The following CDK19 variants were observed in gnomAD, a reference collection of about 807,000 sequenced individuals.
CDK19 encodes the protein cyclin-dependent kinase 19.
A neutral mutation model predicts 68.3 loss-of-function variants in CDK19; 20 were observed. That is an observed-to-expected ratio of 0.29 (90% confidence interval 0.21 to 0.43). The LOEUF (loss-of-function observed/expected upper bound fraction) is 0.43, where lower values mean the gene tolerates loss of function less well. Among genes scored for constraint, CDK19 ranks in the 20% least tolerant of loss-of-function variants. The pLI, the probability that CDK19 is intolerant of heterozygous loss-of-function variation, is 1.00. For missense variants in CDK19, 339 were observed against 623.5 expected (o/e 0.54, Z 4.86); for synonymous variants, 221 against 222.8 (o/e 0.99, Z 0.07).
chr6:110,769,154 A>G (rs558772198), intron 1 of CDK19, among the ~76,000 whole-genome samples: 5,119 of 131,794 alleles, frequency 0.039, 29 homozygotes, highest in Non-Finnish European at 0.057. Flanking sequence ...CTCTGTCTCA[A>G]AAAAAAAAAA....
At chr6:110,783,974 A>C (rs1781011932) in intron 1 of CDK19, among the ~76,000 whole-genome samples, 1 of 152,050 alleles carries the variant, frequency 6.6e-6, no homozygotes, top group African/African-American at 2.4e-5. Context: ...AGCCTGGCCA[A>C]CATGGTGAAA....
chr6:110,618,225 C>CA (rs1362742703), intron 12 of CDK19, among the ~76,000 whole-genome samples: 1 of 152,124 alleles, frequency 6.6e-6, no homozygotes, highest in Non-Finnish European at 1.5e-5. Context: ...CTCTGCCTCC[C>CA]AGGTTCAAGC....
intron 1 of CDK19, chr6:110,813,470 C>G (rs976348365): frequency 6.6e-6 from 1 of 152,090 alleles, no homozygotes; most frequent in Non-Finnish European, 1.5e-5. Context: ...AAAATTCCCA[C>G]AAGAACACTA....
At chr6:110,670,764 G>C (rs1770933769) in intron 2 of CDK19, 7 of 619,558 alleles carry the variant, frequency 1.1e-5, no homozygotes, top group South Asian at 7.8e-5. Flanking sequence ...AGGTATATCT[G>C]TTTTGTTTTG....
intron 2 of CDK19, among the ~76,000 whole-genome samples, chr6:110,716,145 A>G (rs1775371321): frequency 6.6e-6 from 1 of 152,204 alleles, no homozygotes; most frequent in South Asian, 2.1e-4. Context: ...ATTTAAAGAT[A>G]TAACATATTT....
chr6:110,678,099 C>T (rs1325233881), intron 2 of CDK19, among the ~76,000 whole-genome samples: 2 of 152,112 alleles, frequency 1.3e-5, no homozygotes, highest in Non-Finnish European at 2.9e-5. Flanking sequence ...CCTCCTGCCT[C>T]GGCCTCCCAA....
intron 2 of CDK19, among the ~76,000 whole-genome samples, chr6:110,711,839 G>C (rs1774965265): frequency 6.6e-6 from 1 of 152,214 alleles, no homozygotes; most frequent in South Asian, 2.1e-4. Flanking sequence ...GTGGTGGCGG[G>C]TGCCTGCAGT....
chr6:110,757,604 G>A (rs912105436), intron 1 of CDK19, among the ~76,000 whole-genome samples: 5 of 152,050 alleles, frequency 3.3e-5, no homozygotes, highest in African/African-American at 1.2e-4. Context: ...TAGGATAATG[G>A]TATGGTAATG....
chr6:110,761,710 A>G (rs1779245447), intron 1 of CDK19, among the ~76,000 whole-genome samples: 1 of 152,142 alleles, frequency 6.6e-6, no homozygotes, highest in Non-Finnish European at 1.5e-5. Flanking sequence ...TCATTTAAGG[A>G]TGTTTTTCAT....
chr6:110,646,460 G>C, intron 4 of CDK19: 1 of 1,493,688 alleles, frequency 6.7e-7, no homozygotes, highest in Non-Finnish European at 8.9e-7. Flanking sequence ...CCTCATCCCT[G>C]AGGCCCAGAA....
intron 2 of CDK19, among the ~76,000 whole-genome samples, chr6:110,682,032 G>T (rs558865860): frequency 6.6e-6 from 1 of 152,110 alleles, no homozygotes. Context: ...GAATCCATTC[G>T]TATTTTTATG....
chr6:110,801,205 G>T (rs1354256705), intron 1 of CDK19, among the ~76,000 whole-genome samples: 1 of 152,058 alleles, frequency 6.6e-6, no homozygotes. Context: ...GGGGGCTGGG[G>T]GAAGGAGCTG....
At chr6:110,737,716 A>T (rs1777347492) in intron 2 of CDK19, among the ~76,000 whole-genome samples, 1 of 152,234 alleles carries the variant, frequency 6.6e-6, no homozygotes, top group Non-Finnish European at 1.5e-5. Context: ...CCAAACTCTT[A>T]CAAGATTTCA....
intron 2 of CDK19, among the ~76,000 whole-genome samples, chr6:110,741,119 TAAGAG>T (rs1481800927): frequency 6.6e-6 from 1 of 151,788 alleles, no homozygotes; most frequent in Non-Finnish European, 1.5e-5. Flanking sequence ...AGAGCTGCAA[TAAGAG>T]AAGAGAGAAA....
intron 2 of CDK19, among the ~76,000 whole-genome samples, chr6:110,716,014 G>A (rs1167459950): frequency 6.6e-6 from 1 of 151,706 alleles, no homozygotes. Context: ...CTGGAAGGAA[G>A]TGTAACAATG....
In CDK19 at chr6:110,812,845, C is replaced by T. The variant is rs372532788; in HGVS notation, c.128+2164G>A. The stretch of plus-strand genomic sequence containing the variant: ...AAAAAAAAAAAAAATTTAACATGAA[C>T]CCAAAGGACACAGATGTTCTTTCAA... On this transcript the variant is annotated intron_variant, in intron 1 of 12. Coordinates refer to ENST00000368911, the MANE Select transcript of CDK19 (RefSeq NM_015076.5). Among the ~76,000 whole-genome samples the T allele has an allele frequency of 6.9e-4, 104 of 150,402 alleles. 4 individuals are homozygous for T. In the South Asian group the frequency reaches 0.021, roughly 31 times the overall value.
intron 5 of CDK19, among the ~76,000 whole-genome samples, chr6:110,634,877 T>C (rs1425297726): frequency 6.6e-6 from 1 of 152,206 alleles, no homozygotes; most frequent in Non-Finnish European, 1.5e-5. Context: ...CTCCTCAGTT[T>C]TACCTAAGCC....
intron 2 of CDK19, among the ~76,000 whole-genome samples, chr6:110,685,215 A>G (rs766896645): frequency 3.3e-5 from 5 of 152,206 alleles, no homozygotes; most frequent in Non-Finnish European, 7.3e-5. Flanking sequence ...AATATCATTC[A>G]TTAATTCTCA....
At chr6:110,688,711 T>C (rs1251992178) in intron 2 of CDK19, among the ~76,000 whole-genome samples, 1 of 151,824 alleles carries the variant, frequency 6.6e-6, no homozygotes, top group Non-Finnish European at 1.5e-5. Context: ...AATAGAAAGG[T>C]AGGAGCAGCA....
Sources: allele counts gnomAD v4.1 joint callset (sites outside exome capture counted in the v4.1 genomes callset), GRCh38; gene constraint gnomAD v4.1.1; transcripts MANE v1.5; gene names NCBI Gene and HGNC (gene_info 2026-07-23, HGNC 2026-07-21).